Variants in RANBP2 observed in about 807,000 individuals in gnomAD.
RANBP2 encodes the protein RAN binding protein 2.
In RANBP2, 57 loss-of-function variants were observed where a neutral mutation model predicts 303.6. The ratio of observed to expected loss-of-function variants is 0.19; its 90% CI spans 0.15 to 0.23. The LOEUF (loss-of-function observed/expected upper bound fraction) is 0.23, where lower values mean the gene tolerates loss of function less well. Among genes scored for constraint, RANBP2 ranks in the 10% least tolerant of loss-of-function variants. The pLI is 1.00. For synonymous variants in RANBP2, 1,167 were observed against 1,301.5 expected (o/e 0.90, Z 2.23); for missense variants, 3,138 against 3,780.8 (o/e 0.83, Z 4.46).
chr2:109,128,691 G>GT, the RANBP2 span: 3 of 170,120 alleles, frequency 1.8e-5, no homozygotes, highest in African/African-American at 7.2e-5. Context: ...TCCCCAAGCT[G>GT]CTCGCCGGCG....
At chr2:108,775,062 A>C (rs953534222) in intron 23 of RANBP2, among the ~76,000 whole-genome samples, 1 of 152,146 alleles carries the variant, frequency 6.6e-6, no homozygotes, top group Non-Finnish European at 1.5e-5. Context: ...ATAAGTATTT[A>C]ATTCTATAAG....
At chr2:109,489,378 G>T in the RANBP2 span, among the ~76,000 whole-genome samples, 1 of 152,362 alleles carries the variant, frequency 6.6e-6, no homozygotes, top group Non-Finnish European at 1.5e-5. Context: ...GGCCTGGGGG[G>T]ACTTGGCTGG....
the RANBP2 span, among the ~76,000 whole-genome samples, chr2:109,279,545 C>G: frequency 1.3e-5 from 2 of 152,142 alleles, no homozygotes; most frequent in African/African-American, 4.8e-5. Context: ...TCCTACAGGT[C>G]AGGGCTGGAA....
the RANBP2 span, among the ~76,000 whole-genome samples, chr2:109,340,520 C>T: frequency 6.6e-6 from 1 of 152,188 alleles, no homozygotes; most frequent in Non-Finnish European, 1.5e-5. Flanking sequence ...AGGGGCGGTC[C>T]TCAGTTCTCC....
chr2:109,359,728 T>C, the RANBP2 span, among the ~76,000 whole-genome samples: 4 of 152,042 alleles, frequency 2.6e-5, no homozygotes, highest in Non-Finnish European at 5.9e-5. Context: ...ATGTAATGGG[T>C]TGTAGTCAAA....
At chr2:109,565,726 T>G in the RANBP2 span, 2 of 1,491,048 alleles carry the variant, frequency 1.3e-6, no homozygotes, top group Non-Finnish European at 1.9e-6. Flanking sequence ...GATTACTAGA[T>G]AGATACATAT....
At position 108,767,181 on chromosome 2, in the gene RANBP2, T is replaced by C. The variant is rs1677175827; in HGVS notation, c.6642T>C (p.Asn2214=). 1 of 1,611,898 alleles carries C rather than the reference T, an allele frequency of 6.2e-7. No homozygotes were observed. Among genetic ancestry groups the C allele is most frequent in the African/African-American group, 1.3e-5 (1 of 74,832 alleles). ...AGASDTTIKP[N]PENTGPTLEW... is the part of the protein sequence containing the mutation. ...CCTCAGACACAACAATAAAACCCAA[T>C]CCTGAAAACACTGGGCCCACATTAG... is the stretch of plus-strand genomic sequence containing the variant. Residue 2214 remains asparagine (N), a synonymous_variant, in exon 20 of 29, where the codon AAT becomes AAC. Coordinates refer to ENST00000283195, the MANE Select transcript of RANBP2 (RefSeq NM_006267.5).
the RANBP2 span, among the ~76,000 whole-genome samples, chr2:109,003,434 G>A: frequency 6.6e-6 from 1 of 151,252 alleles, no homozygotes; most frequent in South Asian, 2.1e-4. Context: ...TTTTGAGAAG[G>A]AGTTTCTCTC....
chr2:109,219,851 C>CA, the RANBP2 span, among the ~76,000 whole-genome samples: 1 of 152,176 alleles, frequency 6.6e-6, no homozygotes, highest in Non-Finnish European at 1.5e-5. Context: ...CACTACTACT[C>CA]AAAGTGATCT....
chr2:108,999,151 C>T, the RANBP2 span, among the ~76,000 whole-genome samples: 1 of 152,316 alleles, frequency 6.6e-6, no homozygotes, highest in East Asian at 1.9e-4. Context: ...AAGCTGCATT[C>T]TCCTGGCTTG....
the RANBP2 span, among the ~76,000 whole-genome samples, chr2:109,312,678 C>T: frequency 6.6e-6 from 1 of 152,212 alleles, no homozygotes; most frequent in African/African-American, 2.4e-5. Context: ...GAAGTTCATC[C>T]AGGATCATAG....
chr2:109,701,569 G>T, the RANBP2 span, among the ~76,000 whole-genome samples: 40,607 of 151,992 alleles, frequency 0.27, 6,682 homozygotes, highest in Non-Finnish European at 0.37. Context: ...GTCTGGCTCA[G>T]TGAATCTGCA....
chr2:108,946,796 T>C, the RANBP2 span, among the ~76,000 whole-genome samples: 5 of 152,140 alleles, frequency 3.3e-5, no homozygotes, highest in Admixed American at 6.5e-5. Context: ...CCTCCCACCA[T>C]GTTTCTCCCT....
chr2:108,771,081 A>G (rs1023336785), intron 20 of RANBP2, among the ~76,000 whole-genome samples: 1 of 150,906 alleles, frequency 6.6e-6, no homozygotes, highest in Non-Finnish European at 1.5e-5. Context: ...GTGGCTGGGG[A>G]TGGGTTGTTT....
chr2:109,121,119 G>A, the RANBP2 span, among the ~76,000 whole-genome samples: 1 of 152,102 alleles, frequency 6.6e-6, no homozygotes, highest in Admixed American at 6.6e-5. Context: ...AAGGTGGCAG[G>A]CGCCTGTAGT....
the RANBP2 span, among the ~76,000 whole-genome samples, chr2:109,370,753 C>T: frequency 0.13 from 19,721 of 152,180 alleles, 1,431 homozygotes; most frequent in Middle Eastern, 0.24. Flanking sequence ...CCCGAAAGCC[C>T]GCCTTTCCTC....
chr2:109,046,381 A>T, the RANBP2 span, among the ~76,000 whole-genome samples: 45 of 126,794 alleles, frequency 3.5e-4, no homozygotes, highest in African/African-American at 9.9e-4. Context: ...TTTTTTTTTT[A>T]AACTTACTTT....
chr2:109,336,193 C>T, the RANBP2 span, among the ~76,000 whole-genome samples: 3 of 152,170 alleles, frequency 2.0e-5, no homozygotes, highest in African/African-American at 7.2e-5. Context: ...TCACCACGTG[C>T]CTAGAAGCTG....
the RANBP2 span, among the ~76,000 whole-genome samples, chr2:109,513,353 T>C: frequency 1.8e-4 from 27 of 151,372 alleles, no homozygotes; most frequent in Admixed American, 1.4e-3. Flanking sequence ...TACACATGCA[T>C]GCACACACCT....
Sources: allele counts gnomAD v4.1 joint callset (sites outside exome capture counted in the v4.1 genomes callset), GRCh38; gene constraint gnomAD v4.1.1; transcripts MANE v1.5; gene names NCBI Gene and HGNC (gene_info 2026-07-23, HGNC 2026-07-21).